FMN1: variants seen among roughly 807,000 people sequenced by gnomAD.
The protein encoded by FMN1 is formin 1.
Under a neutral mutation model 132.4 loss-of-function variants are expected in FMN1, and 110 were observed. The observed-to-expected ratio is 0.83, with a 90% CI of 0.71 to 0.97. FMN1 has a LOEUF of 0.97. FMN1 is among the 50% of genes least tolerant of loss of function. The pLI, the probability that FMN1 is intolerant of heterozygous loss-of-function variation, is 0.00. For synonymous variants in FMN1, 722 were observed against 651.7 expected (o/e 1.11, Z -1.64); for missense variants, 1,792 against 1,705.3 (o/e 1.05, Z -0.90).
At chr15:33,127,565 CAG>C (rs1449041316) in intron 4 of FMN1, among the ~76,000 whole-genome samples, 1 of 152,208 alleles carries the variant, frequency 6.6e-6, no homozygotes, top group Non-Finnish European at 1.5e-5. Context: ...CCTTTTAAAA[CAG>C]AAACCAGTCT....
chr15:33,035,193 C>CATA (rs527321796), intron 6 of FMN1, among the ~76,000 whole-genome samples: 20 of 152,092 alleles, frequency 1.3e-4, no homozygotes, highest in Middle Eastern at 6.8e-3. Context: ...TAAAACCTAA[C>CATA]ATAATTTTGA....
In FMN1 at chr15:32,988,321, T is replaced by C. The variant is rs111469222; in HGVS notation, c.2224-18844A>G. 2.6e-3 allele frequency among the ~76,000 whole-genome samples: 391 copies of C among 152,228 alleles called. 3 individuals carry two copies. Among genetic ancestry groups the C allele is most frequent in the African/African-American group, 8.9e-3 (369 of 41,542 alleles). ...GAAGTATTTTACAACCTTTTAATCT[T>C]AAAAAACAATAAATTTGAAATTGAG... On this transcript the variant is annotated intron_variant, in intron 7 of 20. Coordinates refer to ENST00000616417, the MANE Select transcript of FMN1 (RefSeq NM_001277313.2).
chr15:32,871,926 GAAGT>G (rs1347120492), intron 16 of FMN1, among the ~76,000 whole-genome samples: 2 of 152,118 alleles, frequency 1.3e-5, no homozygotes, highest in Admixed American at 1.3e-4. Context: ...TCCATCCACT[GAAGT>G]AATTTACTCA....
chr15:32,918,658 A>G (rs2060743665), intron 10 of FMN1, among the ~76,000 whole-genome samples: 1 of 152,326 alleles, frequency 6.6e-6, no homozygotes, highest in African/African-American at 2.4e-5. Flanking sequence ...TAGAATTCAC[A>G]AAACTTCCCC....
At chr15:32,935,472 G>A (rs1442432616) in intron 9 of FMN1, among the ~76,000 whole-genome samples, 1 of 151,992 alleles carries the variant, frequency 6.6e-6, no homozygotes, top group African/African-American at 2.4e-5. Flanking sequence ...GGGATCCATC[G>A]GGATTCTTCA....
intron 5 of FMN1, among the ~76,000 whole-genome samples, chr15:33,074,738 G>A (rs569575637): frequency 3.9e-5 from 6 of 152,218 alleles, no homozygotes; most frequent in African/African-American, 1.2e-4. Context: ...GACCTCAGCC[G>A]GGTGCAGTGG....
intron 7 of FMN1, among the ~76,000 whole-genome samples, chr15:32,977,555 T>G (rs766381033): frequency 6.6e-6 from 1 of 152,226 alleles, no homozygotes; most frequent in African/African-American, 2.4e-5. Flanking sequence ...AATTTTCAAA[T>G]TTCCTCTAAG....
At chr15:32,855,470 G>A (rs1567276761) in intron 17 of FMN1, among the ~76,000 whole-genome samples, 1 of 152,132 alleles carries the variant, frequency 6.6e-6, no homozygotes, top group African/African-American at 2.4e-5. Flanking sequence ...TATCCCAAAT[G>A]GGGATTTGCA....
intron 6 of FMN1, among the ~76,000 whole-genome samples, chr15:33,022,971 C>CA (rs1444370870): frequency 2.1e-5 from 3 of 145,800 alleles, no homozygotes; most frequent in African/African-American, 7.7e-5. Context: ...CTCCTGAGGC[C>CA]AGAAGTTCTA....
chr15:33,027,679 A>G (rs766843039), intron 6 of FMN1, among the ~76,000 whole-genome samples: 2 of 152,168 alleles, frequency 1.3e-5, no homozygotes, highest in Non-Finnish European at 2.9e-5. Context: ...CGACTTTCTC[A>G]TAACTGATAC....
intron 3 of FMN1, among the ~76,000 whole-genome samples, chr15:33,168,587 T>C (rs1965198408): frequency 6.6e-6 from 1 of 152,118 alleles, no homozygotes; most frequent in Admixed American, 6.5e-5. Context: ...TTGCCTCAAG[T>C]CAAGTAAAAG....
intron 6 of FMN1, among the ~76,000 whole-genome samples, chr15:33,020,352 C>A (rs548016564): frequency 6.7e-6 from 1 of 149,368 alleles, no homozygotes; most frequent in South Asian, 2.2e-4. Flanking sequence ...GATTCGGTCA[C>A]TATAAGACTA....
intron 12 of FMN1, among the ~76,000 whole-genome samples, chr15:32,902,763 T>C (rs1222162744): frequency 6.6e-6 from 1 of 152,192 alleles, no homozygotes; most frequent in Non-Finnish European, 1.5e-5. Context: ...GGTTGGGCAC[T>C]TGTTCCCTTT....
chr15:33,057,541 T>C (rs193083403), intron 6 of FMN1, among the ~76,000 whole-genome samples: 1 of 152,326 alleles, frequency 6.6e-6, no homozygotes, highest in East Asian at 1.9e-4. Flanking sequence ...ACAAGTAAAT[T>C]ATCTTGCCAC....
At chr15:33,142,151 TA>T (rs1416814221) in intron 4 of FMN1, among the ~76,000 whole-genome samples, 4 of 152,176 alleles carry the variant, frequency 2.6e-5, no homozygotes, top group African/African-American at 9.7e-5. Flanking sequence ...TCAGACTCTA[TA>T]AAGTACAGAA....
At chr15:33,055,308 C>G (rs1008320304) in intron 6 of FMN1, among the ~76,000 whole-genome samples, 2 of 152,156 alleles carry the variant, frequency 1.3e-5, no homozygotes, top group East Asian at 3.9e-4. Flanking sequence ...GAAGTCCCCC[C>G]ACCCCTTCGA....
intron 8 of FMN1, 76 bp downstream of exon 8, chr15:32,968,638 C>A: frequency 6.3e-7 from 1 of 1,587,158 alleles, no homozygotes; most frequent in Non-Finnish European, 8.6e-7. Context: ...GAGATATTGA[C>A]CCGGTAAGAA....
chr15:33,123,484 CATA>C (rs1962760513), intron 4 of FMN1, among the ~76,000 whole-genome samples: 1 of 152,288 alleles, frequency 6.6e-6, no homozygotes, highest in Non-Finnish European at 1.5e-5. Flanking sequence ...AAAGTAGTAT[CATA>C]GCATATTAAG....
chr15:32,967,190 G>C (rs1488702782), intron 8 of FMN1, among the ~76,000 whole-genome samples: 1 of 152,242 alleles, frequency 6.6e-6, no homozygotes, highest in Non-Finnish European at 1.5e-5. Flanking sequence ...AAATGAGGAG[G>C]AAACAATGTA....
Sources: gnomAD v4.1 joint callset for allele counts (sites outside exome capture counted in the v4.1 genomes callset) on GRCh38, gnomAD v4.1.1 for gene constraint, MANE v1.5 for transcripts, NCBI Gene and HGNC (gene_info 2026-07-23, HGNC 2026-07-21) for gene names.